NIPAL2: variants seen among roughly 807,000 people sequenced by gnomAD.
NIPAL2 encodes the protein NIPA-like protein 2.
NIPAL2 carries 43 observed loss-of-function variants against 48.9 expected under a neutral mutation model. The ratio of observed to expected loss-of-function variants is 0.88; its 90% confidence interval spans 0.69 to 1.13. The LOEUF (loss-of-function observed/expected upper bound fraction) is 1.13, where lower values mean the gene tolerates loss of function less well. NIPAL2 is among the 50% of genes most tolerant of loss of function. NIPAL2 has a pLI of 0.00. For synonymous variants in NIPAL2, 167 were observed against 174.6 expected, an observed-to-expected ratio of 0.96 and a Z score of 0.34; for missense variants, 446 against 461.4, an observed-to-expected ratio of 0.97 and a Z score of 0.31.
intron 1 of NIPAL2, among the ~76,000 whole-genome samples, chr8:98,260,701 G>T (rs1456752277): frequency 6.6e-6 from 1 of 152,244 alleles, no homozygotes; most frequent in Admixed American, 6.5e-5. Context: ...GAGGCTGGGG[G>T]AGGGGTGCCC....
intron 3 of NIPAL2, among the ~76,000 whole-genome samples, chr8:98,239,100 T>A (rs1167870004): frequency 1.3e-5 from 2 of 152,198 alleles, no homozygotes; most frequent in Admixed American, 6.5e-5. Context: ...ATCCTTGAAA[T>A]GACCATTTCA....
chr8:98,243,395 C>G (rs1378021382), intron 3 of NIPAL2, among the ~76,000 whole-genome samples: 1 of 152,112 alleles, frequency 6.6e-6, no homozygotes, highest in Admixed American at 6.5e-5. Flanking sequence ...CGGTGCCTTC[C>G]AAACCATGTC....
chr8:98,249,740 A>G (rs981080044), intron 3 of NIPAL2, among the ~76,000 whole-genome samples: 3 of 147,452 alleles, frequency 2.0e-5, no homozygotes, highest in East Asian at 1.9e-4. Flanking sequence ...TTATATTTAC[A>G]TTATTTAATA....
chr8:98,276,402 A>C (rs911511175), intron 1 of NIPAL2, among the ~76,000 whole-genome samples: 1 of 152,112 alleles, frequency 6.6e-6, no homozygotes, highest in Admixed American at 6.5e-5. Context: ...AACTTCTTCT[A>C]TGTCTTTTCA....
At chr8:98,241,720 TAA>T (rs1404795750) in intron 3 of NIPAL2, among the ~76,000 whole-genome samples, 1 of 152,202 alleles carries the variant, frequency 6.6e-6, no homozygotes, top group Non-Finnish European at 1.5e-5. Context: ...GCTATTATGT[TAA>T]AAGAGGTAGA....
At chr8:98,215,714 C>T (rs183132293) in intron 5 of NIPAL2, among the ~76,000 whole-genome samples, 2 of 152,310 alleles carry the variant, frequency 1.3e-5, no homozygotes, top group East Asian at 3.9e-4. Context: ...CTTTACACAG[C>T]AAAGGGGTTT....
intron 1 of NIPAL2, among the ~76,000 whole-genome samples, chr8:98,289,223 A>G (rs1179166585): frequency 6.6e-6 from 1 of 152,036 alleles, no homozygotes; most frequent in African/African-American, 2.4e-5. Context: ...CATATAAATG[A>G]TTTTTTAAGA....
intron 8 of NIPAL2, among the ~76,000 whole-genome samples, chr8:98,198,267 T>C (rs1250112358): frequency 1.3e-5 from 2 of 152,194 alleles, no homozygotes; most frequent in Admixed American, 6.5e-5. Context: ...AACAGTGGGT[T>C]TAAAATATTC....
chr8:98,198,360 T>TA (rs1422526395), intron 8 of NIPAL2, among the ~76,000 whole-genome samples: 3 of 152,244 alleles, frequency 2.0e-5, no homozygotes, highest in Non-Finnish European at 4.4e-5. Flanking sequence ...AGATTTAGCA[T>TA]AATTCTTAAG....
chr8:98,248,878 T>C (rs549276081), intron 3 of NIPAL2, among the ~76,000 whole-genome samples: 1 of 152,308 alleles, frequency 6.6e-6, no homozygotes, highest in South Asian at 2.1e-4. Flanking sequence ...AGGTTCTGAC[T>C]CTCTCAAAAA....
At chr8:98,257,187 G>C (rs1383721225) in intron 1 of NIPAL2, among the ~76,000 whole-genome samples, 1 of 152,086 alleles carries the variant, frequency 6.6e-6, no homozygotes, top group Admixed American at 6.5e-5. Context: ...CAGCTGACCA[G>C]CATTAACATT....
intron 6 of NIPAL2, among the ~76,000 whole-genome samples, chr8:98,206,866 AG>A (rs1459365809): frequency 1.3e-5 from 2 of 152,120 alleles, no homozygotes; most frequent in Non-Finnish European, 2.9e-5. Flanking sequence ...CTCAACAAAG[AG>A]GCCCTTACAA....
intron 1 of NIPAL2, among the ~76,000 whole-genome samples, chr8:98,258,757 C>G (rs1814059917): frequency 7.2e-6 from 1 of 139,310 alleles, no homozygotes; most frequent in African/African-American, 2.8e-5. Flanking sequence ...TATCTCACCT[C>G]TGATTTCTAT....
intron 8 of NIPAL2, among the ~76,000 whole-genome samples, chr8:98,200,687 G>A (rs1810756848): frequency 6.6e-6 from 1 of 151,692 alleles, no homozygotes; most frequent in African/African-American, 2.4e-5. Flanking sequence ...TTAATTTTTT[G>A]AGGAACTGCC....
At chr8:98,279,066 C>A (rs1210368165) in intron 1 of NIPAL2, among the ~76,000 whole-genome samples, 1 of 151,942 alleles carries the variant, frequency 6.6e-6, no homozygotes, top group Admixed American at 6.6e-5. Flanking sequence ...ACATCTTATT[C>A]TATATTTTTT....
At chr8:98,265,930 C>T (rs1814695355) in intron 1 of NIPAL2, among the ~76,000 whole-genome samples, 2 of 151,730 alleles carry the variant, frequency 1.3e-5, no homozygotes, top group South Asian at 4.2e-4. Context: ...GGCACATATA[C>T]ACCATGGAAT....
intron 4 of NIPAL2, among the ~76,000 whole-genome samples, chr8:98,227,947 T>A (rs915193709): frequency 1.3e-5 from 2 of 152,218 alleles, no homozygotes; most frequent in Non-Finnish European, 2.9e-5. Flanking sequence ...GGGTGGTTGA[T>A]TCCTCTCTGG....
intron 2 of NIPAL2, among the ~76,000 whole-genome samples, chr8:98,253,117 A>G (rs1813684016): frequency 6.6e-6 from 1 of 151,762 alleles, no homozygotes; most frequent in South Asian, 2.1e-4. Flanking sequence ...TGTTCAAGTA[A>G]CCCTTATTTT....
intron 4 of NIPAL2, among the ~76,000 whole-genome samples, chr8:98,225,781 T>A (rs1156269867): frequency 1.3e-5 from 2 of 152,204 alleles, no homozygotes; most frequent in Admixed American, 1.3e-4. Context: ...TCTCTGTTAT[T>A]ATCTCTTTGT....
Sources: allele counts gnomAD v4.1 joint callset (sites outside exome capture counted in the v4.1 genomes callset), GRCh38; gene constraint gnomAD v4.1.1; transcripts MANE v1.5; gene names NCBI Gene and HGNC (gene_info 2026-07-23, HGNC 2026-07-21).